The following PGBD5 variants were observed in gnomAD, a reference collection of about 807,000 sequenced individuals.
PGBD5 encodes the protein piggyBac transposable element-derived protein 5.
In PGBD5, 14 loss-of-function variants were observed where a neutral mutation model predicts 47.9. That is an observed-to-expected ratio of 0.29 (90% CI 0.19 to 0.46). PGBD5 has a LOEUF of 0.46. Ranked by LOEUF, PGBD5 falls within the 20% of genes least tolerant of loss-of-function variation. The pLI is 1.00. For synonymous variants in PGBD5, 316 were observed against 306.3 expected, an observed-to-expected ratio of 1.03 and a Z score of -0.33; for missense variants, 635 against 716.0, an observed-to-expected ratio of 0.89 and a Z score of 1.29.
chr1:230,385,953 C>A (rs1656627349), intron 1 of PGBD5, among the ~76,000 whole-genome samples: 2 of 152,138 alleles, frequency 1.3e-5, no homozygotes, highest in South Asian at 2.1e-4. Context: ...TAACAAGCTC[C>A]CCAGCAACCT....
At chr1:230,343,476 T>C (rs1558194730) in intron 3 of PGBD5, among the ~76,000 whole-genome samples, 1 of 152,218 alleles carries the variant, frequency 6.6e-6, no homozygotes, top group Non-Finnish European at 1.5e-5. Context: ...ATTAACTTCA[T>C]TCAAAAGTGG....
rs1657773691 is a variant in PGBD5, at chr1:230,425,953, C to CA, written c.-26_-25insT. On this transcript the variant is annotated 5_prime_UTR_variant, in exon 1 of 7. Transcript: ENST00000391860. The surrounding 1 kb of genome is among the most constrained non-coding windows in gnomAD (Gnocchi z 4.7). ...TGGCCCCGGCCGCCGCCCGCGCGCC[C>CA]GCCCCCACAGTGCCTCCCAGCCGCA... The CA allele has an allele frequency of 3.8e-6, 3 of 790,374 alleles. No homozygotes were observed. The highest frequency in any genetic ancestry group is 4.2e-6 in the Non-Finnish European group (3 of 720,410). 49.0% of individuals were successfully genotyped at this position (790,374 alleles called of 1,614,324 possible).
At chr1:230,339,047 G>A (rs1402320692) in intron 3 of PGBD5, among the ~76,000 whole-genome samples, 1 of 152,206 alleles carries the variant, frequency 6.6e-6, no homozygotes, top group Admixed American at 6.5e-5. Context: ...TAACGGGGAA[G>A]TGTGTGCACA....
chr1:230,404,470 T>G (rs903934766), intron 1 of PGBD5, among the ~76,000 whole-genome samples: 9 of 151,786 alleles, frequency 5.9e-5, no homozygotes, highest in Non-Finnish European at 1.3e-4. Context: ...CCAAGTGTGG[T>G]GGCGCGCACC....
chr1:230,358,599 A>C (rs112586782), intron 1 of PGBD5, among the ~76,000 whole-genome samples: 1,786 of 150,502 alleles, frequency 0.012, 32 homozygotes, highest in African/African-American at 0.039. Context: ...CCGCCCCCCC[A>C]CAAGATGTTT....
chr1:230,349,534 C>CA (rs11446040), intron 3 of PGBD5, among the ~76,000 whole-genome samples: 34,458 of 83,694 alleles, frequency 0.41, 8,312 homozygotes, highest in East Asian at 0.5. Context: ...GACCCCGTCT[C>CA]AAAAAAAAAA....
chr1:230,381,792 G>C (rs1656499985), intron 1 of PGBD5, among the ~76,000 whole-genome samples: 1 of 152,166 alleles, frequency 6.6e-6, no homozygotes, highest in South Asian at 2.1e-4. Flanking sequence ...GACAGAGTGT[G>C]AGCCACCCCT....
At chr1:230,334,406 A>T (rs1251461179) in intron 4 of PGBD5, among the ~76,000 whole-genome samples, 1 of 152,264 alleles carries the variant, frequency 6.6e-6, no homozygotes, top group Non-Finnish European at 1.5e-5. Context: ...GCCAAAGAGA[A>T]GCTGCATGTT....
intron 3 of PGBD5, among the ~76,000 whole-genome samples, chr1:230,344,285 CAA>C (rs1215909793): frequency 2.9e-5 from 4 of 136,116 alleles, no homozygotes; most frequent in African/African-American, 5.4e-5. Flanking sequence ...ACTCCGTCTC[CAA>C]AAAAAAAAAA....
At chr1:230,381,816 T>G (rs1656502150) in intron 1 of PGBD5, among the ~76,000 whole-genome samples, 1 of 152,016 alleles carries the variant, frequency 6.6e-6, no homozygotes, top group Non-Finnish European at 1.5e-5. Context: ...CTCATTTCCT[T>G]TCTTCCCTTC....
At chr1:230,380,068 T>C (rs1044124224) in intron 1 of PGBD5, among the ~76,000 whole-genome samples, 1 of 152,214 alleles carries the variant, frequency 6.6e-6, no homozygotes. Context: ...AGGGGCCGTG[T>C]GCTATTTACA....
chr1:230,401,993 A>G (rs1052145397), intron 1 of PGBD5, among the ~76,000 whole-genome samples: 13 of 152,320 alleles, frequency 8.5e-5, no homozygotes, highest in South Asian at 8.3e-4. Context: ...ACACTGTAAG[A>G]CAGCAGCAGC....
At chr1:230,349,703 C>T (rs1266115130) in intron 3 of PGBD5, among the ~76,000 whole-genome samples, 7 of 152,030 alleles carry the variant, frequency 4.6e-5, no homozygotes, top group East Asian at 1.9e-4. Context: ...AAAATGAACC[C>T]GACGCACCTG....
At chr1:230,350,494 G>A (rs957948812) in intron 3 of PGBD5, among the ~76,000 whole-genome samples, 1 of 152,194 alleles carries the variant, frequency 6.6e-6, no homozygotes, top group Admixed American at 6.5e-5. Context: ...CTGTGAAGAA[G>A]GCATCCTGGA....
At chr1:230,409,967 T>C in intron 1 of PGBD5, among the ~76,000 whole-genome samples, 1 of 152,332 alleles carries the variant, frequency 6.6e-6, no homozygotes, top group South Asian at 2.1e-4. Context: ...AATGTGTACA[T>C]ATTGATTTAT....
chr1:230,342,689 T>C lies in PGBD5; in HGVS notation c.895-5401A>G, dbSNP rs186247055. 5.3e-5 allele frequency among the ~76,000 whole-genome samples: 8 copies of C among 152,298 alleles called. No homozygotes were observed. The East Asian group carries it at 1.2e-3, about 22-fold the overall frequency. On this transcript the variant is annotated intron_variant, in intron 3 of 6. Coordinates refer to ENST00000391860, the MANE Select transcript of PGBD5 (RefSeq NM_001258311.2). ...GTGGGTTTGGGGGCAAGTTACTTAA[T>C]TGCTCTGAGCCTTGCTTTCCTTATC...
In PGBD5 at chr1:230,318,526, C is replaced by T. The variant is rs1666983486; in HGVS notation, c.*4899G>A. ...GGAGGGGGCACTGGGGACACTTTCC[C>T]TGGCCACTACCTTGTGAACTTCTGG... On this transcript the variant is annotated 3_prime_UTR_variant, in exon 7 of 7. Transcript: ENST00000391860. The T allele has an allele frequency of 6.6e-6, 1 of 152,334 alleles. No individual in the cohort carries two copies. Among genetic ancestry groups the T allele is most frequent in the Admixed American group, 6.5e-5 (1 of 15,290 alleles). The allele number at this position is 152,334 out of a possible 1,614,324, so 9.4% of individuals were successfully genotyped here. A position where few individuals can be genotyped will look rare whatever the true frequency, so the allele number is the denominator to read the frequency against.
At chr1:230,399,044 C>T (rs1657071537) in intron 1 of PGBD5, among the ~76,000 whole-genome samples, 1 of 136,700 alleles carries the variant, frequency 7.3e-6, no homozygotes, top group African/African-American at 2.7e-5. Context: ...CTTGGCAACC[C>T]TCACAGGTTA....
rs568723653 is a variant in PGBD5, at chr1:230,351,801, T to C, written c.760-709A>G. On this transcript the variant is annotated intron_variant, in intron 2 of 6. Transcript: ENST00000391860. Reference sequence around the variant, plus strand: ...TTTCTGACAAGATTCCCAAGGCAATTTTGAAACTAATTTCATCTATTTCAA... The same window carrying C: ...TTTCTGACAAGATTCCCAAGGCAATCTTGAAACTAATTTCATCTATTTCAA... Among the ~76,000 whole-genome samples the C allele has an allele frequency of 7.9e-5, 12 of 152,310 alleles. No homozygotes were observed. In the South Asian group the frequency reaches 2.1e-3, roughly 26 times the overall value.
Sources: gnomAD v4.1 joint callset for allele counts (sites outside exome capture counted in the v4.1 genomes callset) on GRCh38, gnomAD v4.1.1 for gene constraint, Gnocchi (gnomAD v3.1) non-coding constraint, MANE v1.5 for transcripts, NCBI Gene and HGNC (gene_info 2026-07-23, HGNC 2026-07-21) for gene names.